Variants in DNMT3A observed in about 807,000 individuals in gnomAD.
DNMT3A encodes DNA methyltransferase 3 alpha.
In DNMT3A, 267 loss-of-function variants were observed where a neutral mutation model predicts 117.6. The ratio of observed to expected loss-of-function variants is 2.27; its 90% CI spans 2.05 to 2.51. The LOEUF is 2.51. Ranked by LOEUF, DNMT3A falls within the 30% of genes most tolerant of loss-of-function variation. The pLI is 0.00. For synonymous variants in DNMT3A, 432 were observed against 474.8 expected, an observed-to-expected ratio of 0.91 and a Z score of 1.17; for missense variants, 1,029 against 1,260.2, an observed-to-expected ratio of 0.82 and a Z score of 2.78.
In DNMT3A at chr2:25,245,488, G is replaced by C. The variant is rs955873989; in HGVS notation, c.1475-156C>G. On this transcript the variant is annotated intron_variant, in intron 12 of 22. Transcript: ENST00000321117. ...GCCCCACGGAAAAGGGAGGCACTGTGACCCCAGTCTCGAACGCCATCATCT... is the reference window on the plus strand; with the variant it reads ...GCCCCACGGAAAAGGGAGGCACTGTCACCCCAGTCTCGAACGCCATCATCT... Among the ~76,000 whole-genome samples, 8 of 152,232 alleles carry C rather than the reference G, an allele frequency of 5.3e-5. No individual in the cohort carries two copies. The East Asian group carries it at 1.3e-3, about 26-fold the overall frequency.
At chr2:25,341,553 G>A (rs2035455101) in intron 1 of DNMT3A, among the ~76,000 whole-genome samples, 1 of 146,770 alleles carries the variant, frequency 6.8e-6, no homozygotes, top group South Asian at 2.1e-4. Context: ...CGGGGAGGGG[G>A]GTCCGCGCCG....
chr2:25,268,621 C>G (rs922965076), intron 6 of DNMT3A, among the ~76,000 whole-genome samples: 4 of 152,200 alleles, frequency 2.6e-5, no homozygotes, highest in Admixed American at 6.5e-5. Context: ...GCCCTCCCCA[C>G]AGCCCTGGCC....
chr2:25,316,134 G>C (rs1022333114), intron 1 of DNMT3A, among the ~76,000 whole-genome samples: 1 of 152,240 alleles, frequency 6.6e-6, no homozygotes, highest in African/African-American at 2.4e-5. Context: ...CCCAAATGGA[G>C]TCGGGGGAGA....
At position 25,298,577 on chromosome 2, in the gene DNMT3A, TG is replaced by T. The variant is rs1219403377; in HGVS notation, c.177+1561del. On this transcript the variant is annotated intron_variant, in intron 3 of 22. Coordinates refer to ENST00000321117, the MANE Select transcript of DNMT3A (RefSeq NM_022552.5). This position sits in a 1 kb window ranked among gnomAD's most constrained non-coding sequence, Gnocchi z 4.3. ...AGAGAGGCAGGGCACGCTGCAAATG[TG>T]GAGTCACCAGTGTGCTCTGACTCCG... is the stretch of plus-strand genomic sequence containing the variant. 6.6e-6 allele frequency among the ~76,000 whole-genome samples: 1 copy of T among 152,164 alleles called. No individual in the cohort carries two copies. The highest frequency in any genetic ancestry group is 2.4e-5 in the African/African-American group (1 of 41,420).
chr2:25,297,802 G>A (rs1211062940), intron 3 of DNMT3A, among the ~76,000 whole-genome samples: 7 of 152,180 alleles, frequency 4.6e-5, no homozygotes, highest in Non-Finnish European at 8.8e-5. Flanking sequence ...GAGCCACTGC[G>A]CCTGGCCCAG....
chr2:25,245,379 C>A, intron 12 of DNMT3A, 47 bp from the exon 13 acceptor site: 1 of 1,567,990 alleles, frequency 6.4e-7, no homozygotes, highest in Non-Finnish European at 8.7e-7. Context: ...CGAAGGGCCT[C>A]TCCCTCCCCG....
chr2:25,341,437 G>A (rs1573523683), intron 1 of DNMT3A, among the ~76,000 whole-genome samples: 2 of 145,684 alleles, frequency 1.4e-5, no homozygotes, highest in East Asian at 2.0e-4. Flanking sequence ...GCCCGGCCGG[G>A]GCCCCTGCGG....
chr2:25,246,219 G>A lies in DNMT3A; in HGVS notation c.1370C>T (p.Pro457Leu). The A allele has an allele frequency of 6.2e-7, 1 of 1,614,156 alleles. No individual in the cohort carries two copies. The highest frequency in any genetic ancestry group is 1.1e-5 in the South Asian group (1 of 91,074). ...GGGCTTCTCCGCTGTGCTCTTCCGGGGCTTTTTGGCTGGTGGAGGTGGTGC... is the reference window on the plus strand; with the variant it reads ...GGGCTTCTCCGCTGTGCTCTTCCGGAGCTTTTTGGCTGGTGGAGGTGGTGC... ...AYAPPPPAKK[P>L]RKSTAEKPKV... The change falls in exon 11 of 23, where the codon CCC (proline) becomes CTC (leucine). Residue 457 changes from proline (P) to leucine (L), a missense_variant. Transcript: ENST00000321117.
intron 1 of DNMT3A, among the ~76,000 whole-genome samples, chr2:25,318,488 G>A (rs913093995): frequency 1.3e-5 from 2 of 151,988 alleles, no homozygotes; most frequent in African/African-American, 4.8e-5. Flanking sequence ...CTTTCGCCAT[G>A]TTGGCCAGGC....
In DNMT3A at chr2:25,246,791, G is replaced by T; in HGVS notation, c.1123-15C>A. 1 of 1,611,500 alleles carries T rather than the reference G, an allele frequency of 6.2e-7. No homozygotes were observed. The highest frequency in any genetic ancestry group is 8.5e-7 in the Non-Finnish European group (1 of 1,179,532). On this transcript the variant is annotated splice_polypyrimidine_tract_variant and intron_variant, in intron 9 of 22. Transcript: ENST00000321117. ...CTGCTGGCCACCTGGAGGGTGACAC[G>T]CCAGGGTTGGGGTTGTCAGGACAGG...
intron 1 of DNMT3A, among the ~76,000 whole-genome samples, chr2:25,321,859 C>T (rs1441644385): frequency 6.6e-6 from 1 of 152,200 alleles, no homozygotes; most frequent in African/African-American, 2.4e-5. Context: ...ACACTCCAGC[C>T]TGGGCAAAGA....
intron 1 of DNMT3A, among the ~76,000 whole-genome samples, chr2:25,328,971 A>C (rs544103012): frequency 6.6e-6 from 1 of 152,040 alleles, no homozygotes; most frequent in African/African-American, 2.4e-5. Flanking sequence ...CCCCAACCCC[A>C]CTTCCTAAAC....
chr2:25,247,353 A>G lies in DNMT3A; in HGVS notation c.1015-195T>C. On this transcript the variant is annotated intron_variant, in intron 8 of 22. Coordinates refer to ENST00000321117, the MANE Select transcript of DNMT3A (RefSeq NM_022552.5). The surrounding 1 kb of genome is among the most constrained non-coding windows in gnomAD (Gnocchi z 5.6). ...TAGGGAAGTACCTGAGTGCAGGTGG[A>G]AAGGAATTCTAGTGAATAGGTTCCT... The G allele has an allele frequency of 1.3e-6, 1 of 786,742 alleles. No homozygotes were observed. The highest frequency in any genetic ancestry group is 2.8e-5 in the Admixed American group (1 of 35,508). 48.7% of individuals were successfully genotyped at this position (786,742 alleles called of 1,614,324 possible). A position where few individuals can be genotyped will look rare whatever the true frequency, so the allele number is the denominator to read the frequency against.
intron 6 of DNMT3A, among the ~76,000 whole-genome samples, chr2:25,249,936 A>G (rs1201996254): frequency 6.6e-6 from 1 of 152,212 alleles, no homozygotes; most frequent in Non-Finnish European, 1.5e-5. Context: ...TCAAGGGTAA[A>G]GAGGATGAGC....
chr2:25,281,850 C>T lies in DNMT3A; in HGVS notation c.448+591G>A, dbSNP rs2031904361. 1.9e-6 allele frequency: 2 copies of T among 1,068,978 alleles called. No homozygotes were observed. The highest frequency in any genetic ancestry group is 4.5e-5 in the South Asian group (1 of 22,268). The allele number at this position is 1,068,978 out of a possible 1,614,324, so 66.2% of individuals were successfully genotyped here. On this transcript the variant is annotated intron_variant, in intron 4 of 22. Transcript: ENST00000321117. This position sits in a 1 kb window ranked among gnomAD's most constrained non-coding sequence, Gnocchi z 4.8. ...CTGGGCAGTACACAGAATACAATCACCCAGCCCTCTCCCCACGCCACTGTC... is the reference window on the plus strand; with the variant it reads ...CTGGGCAGTACACAGAATACAATCATCCAGCCCTCTCCCCACGCCACTGTC...
intron 1 of DNMT3A, 85 bp from the exon 2 acceptor site, chr2:25,314,246 G>T (rs1410103475): frequency 2.2e-6 from 3 of 1,346,784 alleles, no homozygotes; most frequent in Admixed American, 3.5e-5. Context: ...CACCTGGCCT[G>T]TGAGGCCTGG....
At chr2:25,272,803 C>CTTTTTTTTTTTTTTTTT (rs1217338234) in intron 6 of DNMT3A, among the ~76,000 whole-genome samples, 29 of 130,688 alleles carry the variant, frequency 2.2e-4, no homozygotes, top group East Asian at 4.3e-4. Flanking sequence ...TGCACTTTCT[C>CTTTTTTTTTTTTTTTTT]TTTTTTTTTT....
At position 25,254,499 on chromosome 2, in the gene DNMT3A, A is replaced by T. The variant is rs567892260; in HGVS notation, c.640-6247T>A. Among the ~76,000 whole-genome samples the T allele has an allele frequency of 2.0e-5, 3 of 152,162 alleles. No individual in the cohort carries two copies. The highest frequency in any genetic ancestry group is 7.2e-5 in the African/African-American group (3 of 41,520). On this transcript the variant is annotated intron_variant, in intron 6 of 22. Transcript: ENST00000321117. The surrounding 1 kb of genome is among the most constrained non-coding windows in gnomAD (Gnocchi z 4.7). Reference sequence around the variant, plus strand: ...GAAAAACAAGCAAACAAACAAAAACACAGGCCCTCTTCTGTTCCAACCCAT... The same window carrying T: ...GAAAAACAAGCAAACAAACAAAAACTCAGGCCCTCTTCTGTTCCAACCCAT...
chr2:25,273,989 C>G (rs2031175273), intron 6 of DNMT3A, among the ~76,000 whole-genome samples: 1 of 152,202 alleles, frequency 6.6e-6, no homozygotes, highest in South Asian at 2.1e-4. Context: ...TTGCTGAGCC[C>G]TTAAGTTCCC....
Sources: gnomAD v4.1 joint callset for allele counts (sites outside exome capture counted in the v4.1 genomes callset) on GRCh38, gnomAD v4.1.1 for gene constraint, Gnocchi (gnomAD v3.1) non-coding constraint, MANE v1.5 for transcripts, NCBI Gene and HGNC (gene_info 2026-07-23, HGNC 2026-07-21) for gene names.